Variants in GRM1 observed in about 807,000 individuals in gnomAD.
GRM1 encodes glutamate metabotropic receptor 1.
GRM1 carries 33 observed loss-of-function variants against 90.9 expected under a neutral mutation model. The observed-to-expected ratio is 0.36, with a 90% confidence interval of 0.28 to 0.49. The LOEUF is 0.49. GRM1 is among the 20% of genes least tolerant of loss of function. The probability of loss-of-function intolerance (pLI) is 0.99; values close to 1 mark genes in which losing one functional copy is unlikely to be tolerated. For missense variants in GRM1, 1,190 were observed against 1,534.3 expected (o/e 0.78, Z 3.75); for synonymous variants, 700 against 613.2 (o/e 1.14, Z -2.09).
chr6:146,050,393 G>T (rs1791482721), intron 1 of GRM1, among the ~76,000 whole-genome samples: 1 of 152,008 alleles, frequency 6.6e-6, no homozygotes, highest in South Asian at 2.1e-4. Flanking sequence ...TTGTCAGAGG[G>T]TAAGAGTAGC....
intron 4 of GRM1, among the ~76,000 whole-genome samples, chr6:146,353,124 T>C (rs1785465346): frequency 6.6e-6 from 1 of 152,148 alleles, no homozygotes; most frequent in African/African-American, 2.4e-5. Flanking sequence ...CTCCAAGCCG[T>C]TTTACATACA....
intron 3 of GRM1, among the ~76,000 whole-genome samples, chr6:146,329,167 T>A (rs1784502843): frequency 6.6e-6 from 1 of 152,198 alleles, no homozygotes. Flanking sequence ...GGATACATTT[T>A]TCTATTGCCT....
At chr6:146,302,206 T>C (rs1783412680) in intron 2 of GRM1, among the ~76,000 whole-genome samples, 1 of 151,456 alleles carries the variant, frequency 6.6e-6, no homozygotes, top group Non-Finnish European at 1.5e-5. Flanking sequence ...ACTCCTCTTT[T>C]GGGTCTCAGC....
intron 2 of GRM1, among the ~76,000 whole-genome samples, chr6:146,273,124 GC>G (rs1386090685): frequency 6.6e-6 from 1 of 152,180 alleles, no homozygotes; most frequent in Non-Finnish European, 1.5e-5. Flanking sequence ...ATATTCTTGT[GC>G]CAAATATACT....
chr6:146,055,772 T>C (rs1452479954), intron 1 of GRM1, among the ~76,000 whole-genome samples: 1 of 152,116 alleles, frequency 6.6e-6, no homozygotes, highest in African/African-American at 2.4e-5. Context: ...CCAACTAAAA[T>C]GAAAACATAA....
chr6:146,433,800 T>C (rs1778498751), intron 7 of GRM1, 72 bp from the exon 8 acceptor site: 4 of 1,112,112 alleles, frequency 3.6e-6, no homozygotes, highest in Non-Finnish European at 5.5e-6. Flanking sequence ...TAGGTTTGCA[T>C]ATGTTTTCTA....
chr6:146,045,166 T>G (rs778068867), intron 1 of GRM1, among the ~76,000 whole-genome samples: 3 of 152,032 alleles, frequency 2.0e-5, no homozygotes, highest in Admixed American at 6.6e-5. Flanking sequence ...TGTTGTTTGA[T>G]TCTCACATAG....
chr6:146,120,452 T>G (rs1465326713), intron 1 of GRM1, among the ~76,000 whole-genome samples: 2 of 152,138 alleles, frequency 1.3e-5, no homozygotes, highest in African/African-American at 4.8e-5. Flanking sequence ...CTGATTGCCC[T>G]GGCCAGAACT....
At chr6:146,257,687 G>A (rs969298475) in intron 2 of GRM1, among the ~76,000 whole-genome samples, 1 of 152,102 alleles carries the variant, frequency 6.6e-6, no homozygotes, top group Non-Finnish European at 1.5e-5. Context: ...CCAGATGAGG[G>A]CAGGAGAAGA....
intron 2 of GRM1, among the ~76,000 whole-genome samples, chr6:146,297,474 AT>A (rs1024273287): frequency 2.0e-5 from 3 of 151,832 alleles, no homozygotes; most frequent in African/African-American, 4.8e-5. Context: ...AGTCCAAACA[AT>A]TTTTTTTTAA....
At chr6:146,100,441 A>G (rs1054887618) in intron 1 of GRM1, among the ~76,000 whole-genome samples, 3 of 151,814 alleles carry the variant, frequency 2.0e-5, no homozygotes, top group African/African-American at 4.8e-5. Context: ...TGCCCTTTCC[A>G]CTCTGGTTTT....
Position 146,030,204 on chromosome 6 carries a change from A to G in GRM1, c.687A>G (p.Ala229=). The G allele has an allele frequency of 6.2e-7, 1 of 1,610,186 alleles. No individual in the cohort carries two copies. Among genetic ancestry groups the G allele is most frequent in the Non-Finnish European group, 8.5e-7 (1 of 1,176,454 alleles). ...GTTACAATTGGACCTATGTCTCTGCAGTCCACACGGAAGGTAGGCATTATA... is the reference window on the plus strand; with the variant it reads ...GTTACAATTGGACCTATGTCTCTGCGGTCCACACGGAAGGTAGGCATTATA... The part of the protein sequence containing the change: ...VKRYNWTYVS[A]VHTEGNYGES... Residue 229 remains alanine, a synonymous_variant, in exon 1 of 8, where the codon GCA becomes GCG. Transcript: ENST00000282753.
chr6:146,104,438 TC>T (rs754620428), intron 1 of GRM1, among the ~76,000 whole-genome samples: 83 of 149,548 alleles, frequency 5.6e-4, no homozygotes, highest in Non-Finnish European at 1.1e-3. Flanking sequence ...AGACTCCGTC[TC>T]AAAAAAAAGA....
intron 2 of GRM1, among the ~76,000 whole-genome samples, chr6:146,186,615 C>G (rs1362078824): frequency 6.6e-6 from 1 of 152,116 alleles, no homozygotes; most frequent in South Asian, 2.1e-4. Flanking sequence ...AGATGTTTTC[C>G]TACTGCTTAA....
intron 2 of GRM1, among the ~76,000 whole-genome samples, chr6:146,199,956 C>T (rs995135729): frequency 7.2e-5 from 11 of 152,026 alleles, no homozygotes; most frequent in Non-Finnish European, 1.5e-4. Context: ...GGTGAAGATT[C>T]GGCGAGCCAA....
chr6:146,422,835 A>G (rs1292808192), intron 7 of GRM1, among the ~76,000 whole-genome samples: 2 of 152,090 alleles, frequency 1.3e-5, no homozygotes, highest in Non-Finnish European at 2.9e-5. Context: ...TGGACAATGG[A>G]AATATATGGG....
intron 2 of GRM1, among the ~76,000 whole-genome samples, chr6:146,216,949 A>G (rs918037800): frequency 6.6e-6 from 1 of 152,148 alleles, no homozygotes; most frequent in Admixed American, 6.5e-5. Context: ...AGCTAGAGAC[A>G]ATTTGGTGCA....
intron 1 of GRM1, among the ~76,000 whole-genome samples, chr6:146,033,233 A>G (rs991909985): frequency 6.6e-6 from 1 of 152,274 alleles, no homozygotes; most frequent in East Asian, 1.9e-4. Flanking sequence ...GTTTGAATGC[A>G]CTTTGGAGCA....
chr6:146,324,794 C>A (rs1166457274), intron 3 of GRM1, among the ~76,000 whole-genome samples: 1 of 152,180 alleles, frequency 6.6e-6, no homozygotes, highest in Admixed American at 6.5e-5. Context: ...CCAGGTACCT[C>A]AGTTGGAAAT....
Sources: allele counts gnomAD v4.1 joint callset (sites outside exome capture counted in the v4.1 genomes callset), GRCh38; gene constraint gnomAD v4.1.1; transcripts MANE v1.5; gene names NCBI Gene and HGNC (gene_info 2026-07-23, HGNC 2026-07-21).